GPR149: variants seen among roughly 807,000 people sequenced by gnomAD.
GPR149 encodes the protein G protein-coupled receptor 149.
A neutral mutation model predicts 50.2 loss-of-function variants in GPR149; 50 were observed. The observed-to-expected ratio is 1.00, with a 90% confidence interval of 0.79 to 1.26. The LOEUF is 1.26. Ranked by LOEUF, GPR149 falls within the 50% of genes most tolerant of loss-of-function variation. The pLI, the probability that GPR149 is intolerant of heterozygous loss-of-function variation, is 0.00. For missense variants in GPR149, 983 were observed against 895.4 expected, an observed-to-expected ratio of 1.10 and a Z score of -1.25; for synonymous variants, 405 against 358.2, an observed-to-expected ratio of 1.13 and a Z score of -1.48.
rs183325538 is a variant in GPR149, at chr3:154,340,859, C to T, written c.1624-2588G>A. Among the ~76,000 whole-genome samples, 19 of 152,206 alleles carry T rather than the reference C, an allele frequency of 1.2e-4. No individual in the cohort carries two copies. The East Asian group carries it at 3.5e-3, about 28-fold the overall frequency. Reference sequence around the variant, plus strand: ...GCCTCAGCCTCCTGAGTAGCTGAGACTACAGGTGCGTGCCACCACACCTGG... The same window carrying T: ...GCCTCAGCCTCCTGAGTAGCTGAGATTACAGGTGCGTGCCACCACACCTGG... On this transcript the variant is annotated intron_variant, in intron 3 of 3. Transcript: ENST00000389740.
At position 154,337,352 on chromosome 3, in the gene GPR149, T is replaced by C. The variant is rs1336970544; in HGVS notation, c.*347A>G. 1.3e-5 allele frequency among the ~76,000 whole-genome samples: 2 copies of C among 152,190 alleles called. No homozygotes were observed. The highest frequency in any genetic ancestry group is 3.2e-3 in the Middle Eastern group (1 of 316). On this transcript the variant is annotated 3_prime_UTR_variant, in exon 4 of 4. Transcript: ENST00000389740. ...GGCCAACATTGTATATAGAAACATATGCATGGAACAGTATATTCACTGAGT... is the reference window on the plus strand; with the variant it reads ...GGCCAACATTGTATATAGAAACATACGCATGGAACAGTATATTCACTGAGT...
intron 3 of GPR149, among the ~76,000 whole-genome samples, chr3:154,370,556 G>C (rs1466315524): frequency 6.6e-6 from 1 of 152,110 alleles, no homozygotes; most frequent in Non-Finnish European, 1.5e-5. Flanking sequence ...AAGGTGCACT[G>C]CTCCAGAGGA....
intron 3 of GPR149, chr3:154,353,931 T>C (rs1200016206): frequency 1.9e-6 from 1 of 516,084 alleles, no homozygotes; most frequent in Non-Finnish European, 3.6e-6. Context: ...GCTCTTTCTT[T>C]CTGTTCACAT....
At chr3:154,372,691 G>A (rs1315790488) in intron 3 of GPR149, among the ~76,000 whole-genome samples, 1 of 152,188 alleles carries the variant, frequency 6.6e-6, no homozygotes, top group Non-Finnish European at 1.5e-5. Context: ...AGAGAATGGT[G>A]ATGAGGATAG....
At chr3:154,354,679 C>A in intron 3 of GPR149, 1 of 333,798 alleles carries the variant, frequency 3.0e-6, no homozygotes, top group Admixed American at 5.1e-5. Flanking sequence ...CGGTGCTCAG[C>A]AAAGAGTATA....
intron 3 of GPR149, 43 bp downstream of exon 3, chr3:154,420,996 A>T (rs752117704): frequency 2.8e-5 from 38 of 1,353,018 alleles, no homozygotes; most frequent in Admixed American, 4.4e-5. Flanking sequence ...TATCATATTT[A>T]GTATCACTTT....
At chr3:154,396,801 A>C (rs1386486391) in intron 3 of GPR149, among the ~76,000 whole-genome samples, 9 of 151,920 alleles carry the variant, frequency 5.9e-5, no homozygotes, top group African/African-American at 1.7e-4. Context: ...CTATCAGACT[A>C]TCAGACTGGA....
At chr3:154,354,442 T>C (rs756596357) in intron 3 of GPR149, among the ~76,000 whole-genome samples, 6 of 152,234 alleles carry the variant, frequency 3.9e-5, no homozygotes, top group Non-Finnish European at 8.8e-5. Flanking sequence ...AGCCTTCAAA[T>C]ACTGCCACCT....
intron 3 of GPR149, among the ~76,000 whole-genome samples, chr3:154,401,991 G>A (rs1315773828): frequency 6.6e-6 from 1 of 152,170 alleles, no homozygotes; most frequent in African/African-American, 2.4e-5. Flanking sequence ...GGATGGCAAA[G>A]AAGAAGCTGA....
intron 3 of GPR149, chr3:154,352,942 G>A (rs541238104): frequency 4.4e-6 from 4 of 907,212 alleles, no homozygotes; most frequent in Middle Eastern, 3.2e-4. Context: ...TCCTGAGGAG[G>A]AGAATGTTGA....
chr3:154,407,802 C>T (rs1290043303), intron 3 of GPR149, among the ~76,000 whole-genome samples: 1 of 151,892 alleles, frequency 6.6e-6, no homozygotes, highest in Non-Finnish European at 1.5e-5. Context: ...ATCTAGCACC[C>T]AGATTTTGGC....
chr3:154,380,166 CAGAGAGAGAGAGAGAGAGAGAG>C (rs57858107), intron 3 of GPR149, among the ~76,000 whole-genome samples: 12 of 133,600 alleles, frequency 9.0e-5, no homozygotes, highest in African/African-American at 3.1e-4. Flanking sequence ...GTGAGAGAGA[CAGAGAGAGAGAGAGAGAGAGAG>C]AGAGAGAGAG....
chr3:154,398,664 T>G (rs1174575869), intron 3 of GPR149, among the ~76,000 whole-genome samples: 1 of 152,132 alleles, frequency 6.6e-6, no homozygotes, highest in Non-Finnish European at 1.5e-5. Context: ...AAATTGAAAT[T>G]TGGCTGAAAT....
Position 154,421,478 on chromosome 3 carries a change from T to C in GPR149, c.1184A>G (p.Lys395Arg), listed in dbSNP as rs1712145168. Residue 395 changes from lysine to arginine, a missense_variant, in exon 3 of 4, where the codon AAA (lysine) becomes AGA (arginine). By Grantham distance (26) the Lys-to-Arg change is conservative. Coordinates refer to ENST00000389740, the MANE Select transcript of GPR149 (RefSeq NM_001038705.3). Reference protein sequence around the residue: ...VASDGKKIKRKGFEFNLSFQK... With the variant: ...VASDGKKIKRRGFEFNLSFQK... ...GAATGATAGATTGAATTCAAAGCCT[T>C]TTCTCTTGACTGAGTAAAAATAAAA... 1 of 1,560,212 alleles carries C rather than the reference T, an allele frequency of 6.4e-7. No homozygotes were observed. The highest frequency in any genetic ancestry group is 2.2e-5 in the East Asian group (1 of 44,474).
intron 3 of GPR149, among the ~76,000 whole-genome samples, chr3:154,402,981 A>C (rs1711583491): frequency 6.6e-6 from 1 of 152,246 alleles, no homozygotes. Flanking sequence ...GAGGAAAAAC[A>C]TATTGATTGC....
intron 3 of GPR149, among the ~76,000 whole-genome samples, chr3:154,416,309 T>C (rs944882626): frequency 7.9e-5 from 12 of 151,874 alleles, no homozygotes; most frequent in Admixed American, 7.2e-4. Flanking sequence ...ATTAGCCCAC[T>C]GGGGGATTTT....
At chr3:154,406,418 T>A (rs1167009966) in intron 3 of GPR149, among the ~76,000 whole-genome samples, 2 of 152,212 alleles carry the variant, frequency 1.3e-5, no homozygotes, top group Non-Finnish European at 2.9e-5. Context: ...TAAGAATTTA[T>A]CCTGAAGCTA....
At chr3:154,407,658 T>C (rs907393568) in intron 3 of GPR149, among the ~76,000 whole-genome samples, 1 of 151,652 alleles carries the variant, frequency 6.6e-6, no homozygotes, top group Admixed American at 6.6e-5. Flanking sequence ...AGCATATGTG[T>C]ATATATATGT....
intron 3 of GPR149, among the ~76,000 whole-genome samples, chr3:154,357,895 G>A (rs992634034): frequency 1.3e-5 from 2 of 152,176 alleles, no homozygotes; most frequent in African/African-American, 4.8e-5. Flanking sequence ...CAACCCAAAT[G>A]TTCAACAGTG....
Sources: gnomAD v4.1 joint callset for allele counts (sites outside exome capture counted in the v4.1 genomes callset) on GRCh38, gnomAD v4.1.1 for gene constraint, MANE v1.5 for transcripts, NCBI Gene and HGNC (gene_info 2026-07-23, HGNC 2026-07-21) for gene names.